Variants in CLVS1 observed in about 807,000 individuals in gnomAD.
The protein encoded by CLVS1 is clavesin-1.
Under a neutral mutation model 33.1 loss-of-function variants are expected in CLVS1, and 10 were observed. The observed-to-expected ratio is 0.30, with a 90% CI of 0.19 to 0.51. The LOEUF (loss-of-function observed/expected upper bound fraction) is 0.51. CLVS1 is among the 20% of genes least tolerant of loss of function. CLVS1 has a pLI of 0.97. For missense variants in CLVS1, 343 were observed against 433.4 expected (o/e 0.79, Z 1.85); for synonymous variants, 163 against 166.1 (o/e 0.98, Z 0.14).
In CLVS1 at chr8:61,379,289, CTGTT is replaced by C. The variant is rs1329428175; in HGVS notation, c.630+2516_630+2519del. Among the ~76,000 whole-genome samples, 3 of 152,136 alleles carry C rather than the reference CTGTT, an allele frequency of 2.0e-5. No individual in the cohort carries two copies. In the East Asian group the frequency reaches 5.8e-4, roughly 29 times the overall value. ...TAGGCCATCTGGTTTGGGATTTCAG[CTGTT>C]TGTTTATAGCATTTGTCTAGGATTA... is the stretch of plus-strand genomic sequence containing the variant. On this transcript the variant is annotated intron_variant, in intron 3 of 5. Coordinates refer to ENST00000325897, the MANE Select transcript of CLVS1 (RefSeq NM_173519.3).
the CLVS1 span, among the ~76,000 whole-genome samples, chr8:61,030,242 G>A: frequency 6.7e-6 from 1 of 150,032 alleles, no homozygotes; most frequent in Non-Finnish European, 1.5e-5. Flanking sequence ...TTAAACAGAA[G>A]AACTGTTTCT....
intron 2 of CLVS1, among the ~76,000 whole-genome samples, chr8:61,209,689 A>T (rs1375873848): frequency 1.3e-5 from 2 of 150,332 alleles, no homozygotes; most frequent in African/African-American, 4.9e-5. Flanking sequence ...GAGAAGATTT[A>T]AGGAAAAGGT....
rs142366487 is a variant in CLVS1, at chr8:61,058,542, A to C, written c.-243+1312A>C. ...TGGAGGGCATGTACTTTTTAAATTG[A>C]GGTGGAATTAACATACAATACACCA... On this transcript the variant is annotated intron_variant, in intron 1 of 2. Coordinates refer to the CLVS1 transcript ENST00000522621. Among the ~76,000 whole-genome samples the C allele has an allele frequency of 2.6e-3, 401 of 152,344 alleles. 4 individuals carry two copies. The highest frequency in any genetic ancestry group is 0.013 in the South Asian group (62 of 4,830).
At chr8:61,436,799 G>T (rs77934150) in intron 3 of CLVS1, among the ~76,000 whole-genome samples, 2 of 152,304 alleles carry the variant, frequency 1.3e-5, no homozygotes, top group South Asian at 2.1e-4. Flanking sequence ...TGCAGGAAAA[G>T]CTTCCCTTCT....
At chr8:61,346,092 T>C (rs1812211267) in intron 2 of CLVS1, among the ~76,000 whole-genome samples, 1 of 152,174 alleles carries the variant, frequency 6.6e-6, no homozygotes, top group African/African-American at 2.4e-5. Flanking sequence ...GTCCCAAAAA[T>C]AAATAAGTAA....
At chr8:61,366,439 CTG>C (rs1813216465) in intron 2 of CLVS1, among the ~76,000 whole-genome samples, 1 of 152,238 alleles carries the variant, frequency 6.6e-6, no homozygotes, top group African/African-American at 2.4e-5. Flanking sequence ...AGAATCAAAT[CTG>C]TTTCCTTTCC....
intron 2 of CLVS1, among the ~76,000 whole-genome samples, chr8:61,318,729 T>A (rs1811095311): frequency 6.6e-6 from 1 of 152,150 alleles, no homozygotes; most frequent in Admixed American, 6.5e-5. Context: ...AGTTCTGTAC[T>A]CCAGTTCCCT....
intron 2 of CLVS1, among the ~76,000 whole-genome samples, chr8:61,215,991 G>A (rs1325808182): frequency 6.6e-6 from 1 of 152,144 alleles, no homozygotes; most frequent in African/African-American, 2.4e-5. Context: ...GTTTGTGAAA[G>A]GAGTTATCTT....
intron 3 of CLVS1, among the ~76,000 whole-genome samples, chr8:61,385,679 C>A (rs1814054433): frequency 6.6e-6 from 1 of 152,226 alleles, no homozygotes; most frequent in African/African-American, 2.4e-5. Context: ...GTCCATCTCT[C>A]AGTCTCACTT....
At chr8:61,041,803 TC>T in the CLVS1 span, among the ~76,000 whole-genome samples, 1 of 152,202 alleles carries the variant, frequency 6.6e-6, no homozygotes, top group Admixed American at 6.5e-5. Flanking sequence ...GAGAATCATA[TC>T]ATTAGTGAAG....
At chr8:61,161,784 G>A (rs1204535790) in intron 2 of CLVS1, among the ~76,000 whole-genome samples, 1 of 152,156 alleles carries the variant, frequency 6.6e-6, no homozygotes, top group East Asian at 1.9e-4. Context: ...ACCGGAATAG[G>A]TTTTAAATGT....
chr8:61,285,059 T>C (rs747821341), upstream of CLVS1, among the ~76,000 whole-genome samples: 1 of 152,176 alleles, frequency 6.6e-6, no homozygotes, highest in Non-Finnish European at 1.5e-5. Context: ...CAGACAGTTA[T>C]ACTTCCAAGG....
chr8:61,368,330 T>G (rs1813297532), intron 2 of CLVS1, among the ~76,000 whole-genome samples: 1 of 152,252 alleles, frequency 6.6e-6, no homozygotes, highest in Admixed American at 6.5e-5. Flanking sequence ...CACTCTAGTG[T>G]CTATATCCAG....
At chr8:60,989,173 CT>C in the CLVS1 span, among the ~76,000 whole-genome samples, 1 of 150,978 alleles carries the variant, frequency 6.6e-6, no homozygotes, top group Non-Finnish European at 1.5e-5. Context: ...GCCCCAGATT[CT>C]TTTTTTTTGT....
intron 2 of CLVS1, among the ~76,000 whole-genome samples, chr8:61,304,009 C>T (rs1035402603): frequency 6.6e-6 from 1 of 152,196 alleles, no homozygotes; most frequent in Non-Finnish European, 1.5e-5. Context: ...CATGCCCATC[C>T]TAAGCACCTG....
At chr8:61,263,310 A>G (rs940183062) in intron 2 of CLVS1, among the ~76,000 whole-genome samples, 2 of 152,246 alleles carry the variant, frequency 1.3e-5, no homozygotes, top group Non-Finnish European at 2.9e-5. Context: ...TATTTGTAAT[A>G]ACACAAATAT....
At chr8:61,405,038 C>T (rs1166409120) in intron 3 of CLVS1, among the ~76,000 whole-genome samples, 1 of 152,212 alleles carries the variant, frequency 6.6e-6, no homozygotes, top group African/African-American at 2.4e-5. Flanking sequence ...ACAGCTGCTG[C>T]TTGAGTCACC....
rs113508140 is a variant in CLVS1 at position 61,389,711 on chromosome 8, G to A, written c.630+12932G>A. Among the ~76,000 whole-genome samples, 360 of 152,304 alleles carry A rather than the reference G, an allele frequency of 2.4e-3. 1 individual carries two copies. The highest frequency in any genetic ancestry group is 8.5e-3 in the African/African-American group (354 of 41,570). On this transcript the variant is annotated intron_variant, in intron 3 of 5. Coordinates refer to ENST00000325897, the MANE Select transcript of CLVS1 (RefSeq NM_173519.3). Reference sequence around the variant, plus strand: ...AATCAGATATGACATGCACAGCCATGATCTTGAGCTATCTGGAAGAGTCTC... The same window carrying A: ...AATCAGATATGACATGCACAGCCATAATCTTGAGCTATCTGGAAGAGTCTC...
chr8:61,267,417 A>T (rs1346536638), intron 2 of CLVS1, among the ~76,000 whole-genome samples: 1 of 152,208 alleles, frequency 6.6e-6, no homozygotes, highest in Non-Finnish European at 1.5e-5. Flanking sequence ...CCATAAATCC[A>T]TTCTCCATCT....
Sources: gnomAD v4.1 joint callset for allele counts (sites outside exome capture counted in the v4.1 genomes callset) on GRCh38, gnomAD v4.1.1 for gene constraint, MANE v1.5 for transcripts, NCBI Gene and HGNC (gene_info 2026-07-23, HGNC 2026-07-21) for gene names.